The following GPATCH2 variants were observed in gnomAD, a reference collection of about 807,000 sequenced individuals.
GPATCH2 encodes the protein G-patch domain containing 2, also known as G patch domain-containing protein 2.
Under a neutral mutation model 58.0 loss-of-function variants are expected in GPATCH2, and 51 were observed. The ratio of observed to expected loss-of-function variants is 0.88; its 90% CI spans 0.70 to 1.11. The LOEUF is 1.11. Among genes scored for constraint, GPATCH2 ranks in the 50% most tolerant of loss-of-function variants. GPATCH2 has a pLI of 0.00. For missense variants in GPATCH2, 625 were observed against 652.2 expected, an observed-to-expected ratio of 0.96 and a Z score of 0.45; for synonymous variants, 222 against 218.5, an observed-to-expected ratio of 1.02 and a Z score of -0.14.
At chr1:217,609,592 A>C (rs899398611) in intron 5 of GPATCH2, 12 of 984,190 alleles carry the variant, frequency 1.2e-5, no homozygotes, top group Non-Finnish European at 1.2e-5. Flanking sequence ...AACAAAATAC[A>C]AACTCCAGCA....
intron 1 of GPATCH2, among the ~76,000 whole-genome samples, chr1:217,629,988 C>A (rs1022590605): frequency 1.3e-5 from 2 of 152,144 alleles, no homozygotes; most frequent in African/African-American, 2.4e-5. Context: ...TAGGAATGAA[C>A]ACGCACCATT....
chr1:217,605,312 T>C (rs1668302849), intron 5 of GPATCH2, among the ~76,000 whole-genome samples: 1 of 152,226 alleles, frequency 6.6e-6, no homozygotes, highest in Non-Finnish European at 1.5e-5. Flanking sequence ...ATGCAAACAG[T>C]ATGCTTATTT....
intron 1 of GPATCH2, among the ~76,000 whole-genome samples, chr1:217,623,336 T>G (rs1669295157): frequency 6.6e-6 from 1 of 152,114 alleles, no homozygotes; most frequent in Non-Finnish European, 1.5e-5. Context: ...GCACAGAACA[T>G]TTATAGTACT....
chr1:217,469,561 C>T (rs1660626962), intron 8 of GPATCH2, among the ~76,000 whole-genome samples: 2 of 152,054 alleles, frequency 1.3e-5, no homozygotes, highest in South Asian at 4.1e-4. Flanking sequence ...AAGACATTAT[C>T]TTGCTATTTT....
chr1:217,438,026 T>A (rs1156286541), intron 9 of GPATCH2, among the ~76,000 whole-genome samples: 2 of 152,146 alleles, frequency 1.3e-5, no homozygotes, highest in Non-Finnish European at 2.9e-5. Context: ...GGATGAAGCT[T>A]CCAGAGGAAG....
chr1:217,478,921 G>C (rs1027918447), intron 8 of GPATCH2, among the ~76,000 whole-genome samples: 1 of 152,028 alleles, frequency 6.6e-6, no homozygotes, highest in Non-Finnish European at 1.5e-5. Context: ...TCCAATACAT[G>C]TGGCAGCAGA....
chr1:217,441,783 C>G (rs1053008223), intron 9 of GPATCH2, among the ~76,000 whole-genome samples: 39 of 152,106 alleles, frequency 2.6e-4, no homozygotes, highest in African/African-American at 9.2e-4. Flanking sequence ...AAATCAAAAT[C>G]ACAATGAGAC....
At chr1:217,571,333 G>C (rs889709892) in intron 5 of GPATCH2, among the ~76,000 whole-genome samples, 1 of 152,050 alleles carries the variant, frequency 6.6e-6, no homozygotes, top group African/African-American at 2.4e-5. Flanking sequence ...ACCCAAACAG[G>C]TGCTCAGTAT....
chr1:217,518,310 G>A (rs1216165462), intron 5 of GPATCH2, among the ~76,000 whole-genome samples: 2 of 152,090 alleles, frequency 1.3e-5, no homozygotes, highest in Admixed American at 6.5e-5. Flanking sequence ...TACCACTATC[G>A]ATTCAGGAGG....
intron 9 of GPATCH2, among the ~76,000 whole-genome samples, chr1:217,433,361 C>CATATATATATATATATAT (rs1183174400): frequency 9.3e-5 from 11 of 118,564 alleles, no homozygotes; most frequent in South Asian, 2.9e-4. Flanking sequence ...TTAAGCTGTT[C>CATATATATATATATATAT]ATATATATAT....
intron 8 of GPATCH2, among the ~76,000 whole-genome samples, chr1:217,452,601 T>G (rs145097824): frequency 1.3e-5 from 2 of 152,300 alleles, no homozygotes; most frequent in East Asian, 3.9e-4. Flanking sequence ...TTCTTAAAAT[T>G]TATTATGTAG....
At chr1:217,527,365 T>TA (rs1435660803) in intron 5 of GPATCH2, among the ~76,000 whole-genome samples, 1 of 152,194 alleles carries the variant, frequency 6.6e-6, no homozygotes, top group Non-Finnish European at 1.5e-5. Flanking sequence ...GAGGTATGTA[T>TA]AGTCACCAGG....
chr1:217,482,521 G>A (rs1248820726), intron 8 of GPATCH2, among the ~76,000 whole-genome samples: 1 of 152,102 alleles, frequency 6.6e-6, no homozygotes, highest in African/African-American at 2.4e-5. Flanking sequence ...GTGTGCTGGA[G>A]CAACCACTAA....
intron 5 of GPATCH2, among the ~76,000 whole-genome samples, chr1:217,606,567 C>A (rs1668370636): frequency 1.3e-5 from 2 of 151,960 alleles, no homozygotes; most frequent in African/African-American, 4.8e-5. Context: ...ATGGCAAAAC[C>A]CCATCTCTAC....
chr1:217,626,693 C>CTA (rs751538571), intron 1 of GPATCH2, among the ~76,000 whole-genome samples: 88 of 152,046 alleles, frequency 5.8e-4, no homozygotes, highest in Non-Finnish European at 8.8e-4. Flanking sequence ...ACCTAGGAAT[C>CTA]TATTAAGAGA....
rs79418223 is a variant in GPATCH2, at chr1:217,444,555, G to T, written c.1366+4694C>A. Among the ~76,000 whole-genome samples the T allele has an allele frequency of 5.0e-3, 756 of 152,278 alleles. 7 individuals are homozygous for T. Among genetic ancestry groups the T allele is most frequent in the African/African-American group, 0.017 (703 of 41,556 alleles). On this transcript the variant is annotated intron_variant, in intron 9 of 9. Coordinates refer to ENST00000366935, the MANE Select transcript of GPATCH2 (RefSeq NM_018040.5). ...TTTCTATCTTTTCTATCTAACACGTGTGCTTACTCTGTCCATCCTGTACTG... is the reference window on the plus strand; with the variant it reads ...TTTCTATCTTTTCTATCTAACACGTTTGCTTACTCTGTCCATCCTGTACTG...
At chr1:217,454,991 A>G (rs575764015) in intron 8 of GPATCH2, among the ~76,000 whole-genome samples, 8 of 152,190 alleles carry the variant, frequency 5.3e-5, no homozygotes, top group African/African-American at 1.9e-4. Context: ...ATCTCTTTGG[A>G]CATTCATAGC....
intron 6 of GPATCH2, among the ~76,000 whole-genome samples, chr1:217,504,184 A>G (rs1662438402): frequency 6.6e-6 from 1 of 152,186 alleles, no homozygotes; most frequent in African/African-American, 2.4e-5. Flanking sequence ...AAACAACAAA[A>G]AAAGTTTTAC....
Position 217,614,203 on chromosome 1 carries a change from C to T in GPATCH2, c.774-1G>A. ...AGTGCTGCTGAGACTGCTGGAATCA[C>T]TGTAATAAGGAAAAAGAAAGAAACA... On this transcript the variant is annotated splice_acceptor_variant, in intron 2 of 9. Coordinates refer to ENST00000366935, the MANE Select transcript of GPATCH2 (RefSeq NM_018040.5). LOFTEE classifies it high-confidence loss of function. 1.3e-6 allele frequency: 2 copies of T among 1,540,544 alleles called. No individual in the cohort carries two copies. The highest frequency in any genetic ancestry group is 1.8e-6 in the Non-Finnish European group (2 of 1,116,114).
Sources: gnomAD v4.1 joint callset for allele counts (sites outside exome capture counted in the v4.1 genomes callset) on GRCh38, gnomAD v4.1.1 for gene constraint, MANE v1.5 for transcripts, NCBI Gene and HGNC (gene_info 2026-07-23, HGNC 2026-07-21) for gene names.